Variants in AGAP3 observed in about 807,000 individuals in gnomAD.
AGAP3 encodes the protein arf-GAP with GTPase, ANK repeat and PH domain-containing protein 3.
A neutral mutation model predicts 96.9 loss-of-function variants in AGAP3; 24 were observed. The ratio of observed to expected loss-of-function variants is 0.25; its 90% CI spans 0.18 to 0.35. The LOEUF (loss-of-function observed/expected upper bound fraction) is 0.35. Ranked by LOEUF, AGAP3 falls within the 10% of genes least tolerant of loss-of-function variation. AGAP3 has a pLI of 1.00. For synonymous variants in AGAP3, 563 were observed against 536.1 expected (o/e 1.05, Z -0.69); for missense variants, 876 against 1,254.2 (o/e 0.70, Z 4.55).
In AGAP3 at chr7:151,142,730, G is replaced by A. The variant is rs903930338; in HGVS notation, c.2273+96G>A. The A allele has an allele frequency of 3.0e-5, 40 of 1,319,438 alleles. No individual in the cohort carries two copies. Among genetic ancestry groups the A allele is most frequent in the Non-Finnish European group, 4.0e-5 (38 of 958,246 alleles). The allele number at this position is 1,319,438 out of a possible 1,614,324, so 81.7% of individuals were successfully genotyped here. A position where few individuals can be genotyped will look rare whatever the true frequency, so the allele number is the denominator to read the frequency against. On this transcript the variant is annotated intron_variant, in intron 16 of 17. Coordinates refer to ENST00000397238, the MANE Select transcript of AGAP3 (RefSeq NM_031946.7). The surrounding 1 kb of genome is among the most constrained non-coding windows in gnomAD (Gnocchi z 7.5). ...TGGAGTGGCTGTGATGGTATTAGAA[G>A]GGTTAAAACTGTCTGTTGCTCTGCT...
chr7:151,137,843 C>T (rs1198891862), intron 11 of AGAP3: 2 of 442,510 alleles, frequency 4.5e-6, no homozygotes, highest in Non-Finnish European at 8.0e-6. Flanking sequence ...GGTGTCAGCA[C>T]CACCCAGCTC....
chr7:151,094,111 G>A (rs1215424029), intron 1 of AGAP3, among the ~76,000 whole-genome samples: 2 of 152,142 alleles, frequency 1.3e-5, no homozygotes, highest in Non-Finnish European at 2.9e-5. Flanking sequence ...CTTACCTGAG[G>A]TGGGTCATAA....
chr7:151,130,607 C>T (rs540021712), intron 10 of AGAP3, among the ~76,000 whole-genome samples: 39 of 152,186 alleles, frequency 2.6e-4, no homozygotes, highest in African/African-American at 7.2e-4. Context: ...CCCTCCATGC[C>T]GCACTTGTTG....
Position 151,086,760 on chromosome 7 carries a change from G to C in AGAP3, c.19G>C (p.Gly7Arg). The part of the protein sequence containing the change: MNFQAG[G>R]GQSPQQQQSL... ...CGAAGCCATGAACTTCCAGGCGGGC[G>C]GGGGGCAGAGCCCGCAGCAGCAGCA... Residue 7 changes from glycine to arginine, a missense_variant, in exon 1 of 18, where the codon GGG becomes CGG. Around this residue, in one of 8 missense-constraint regions of AGAP3, gnomAD observed 62 missense variants for 82.8 expected, o/e 0.75. Transcript: ENST00000397238. 4.1e-6 allele frequency: 4 copies of C among 969,944 alleles called. No homozygotes were observed. Among genetic ancestry groups the C allele is most frequent in the Non-Finnish European group, 3.7e-6 (3 of 818,308 alleles). 60.1% of individuals were successfully genotyped at this position (969,944 alleles called of 1,614,324 possible).
At position 151,096,810 on chromosome 7, in the gene AGAP3, G is replaced by T. The variant is rs1341012604; in HGVS notation, c.331+9738G>T. ...CTTTTCTTTAACGAGACAGAGTCTTGCTTTGTTTCCCAGGCTGGAGTGTAG... is the reference window on the plus strand; with the variant it reads ...CTTTTCTTTAACGAGACAGAGTCTTTCTTTGTTTCCCAGGCTGGAGTGTAG... On this transcript the variant is annotated intron_variant, in intron 1 of 17. Coordinates refer to ENST00000397238, the MANE Select transcript of AGAP3 (RefSeq NM_031946.7). The surrounding 1 kb of genome is among the most constrained non-coding windows in gnomAD (Gnocchi z 4.4). Among the ~76,000 whole-genome samples, 2 of 150,952 alleles carry T rather than the reference G, an allele frequency of 1.3e-5. No homozygotes were observed. The highest frequency in any genetic ancestry group is 4.9e-5 in the African/African-American group (2 of 41,006).
chr7:151,123,168 C>A lies in AGAP3; in HGVS notation c.1129-626C>A. Reference sequence around the variant, plus strand: ...CCTCTGCTCCTTCCTGCATGGACCTCTGCCGTTCCTGCTCCTGCTCCGGAA... The same window carrying A: ...CCTCTGCTCCTTCCTGCATGGACCTATGCCGTTCCTGCTCCTGCTCCGGAA... On this transcript the variant is annotated intron_variant, in intron 8 of 17. Transcript: ENST00000397238. The A allele has an allele frequency of 3.7e-6, 4 of 1,082,898 alleles. No homozygotes were observed. The South Asian group carries it at 1.2e-4, about 32-fold the overall frequency. 67.1% of individuals were successfully genotyped at this position (1,082,898 alleles called of 1,614,324 possible). A position where few individuals can be genotyped will look rare whatever the true frequency, so the allele number is the denominator to read the frequency against.
At chr7:151,094,248 T>A (rs538595637) in intron 1 of AGAP3, among the ~76,000 whole-genome samples, 2 of 152,268 alleles carry the variant, frequency 1.3e-5, no homozygotes, top group African/African-American at 4.8e-5. Context: ...CAGGGTATCC[T>A]GTGTAAGGGA....
intron 1 of AGAP3, among the ~76,000 whole-genome samples, chr7:151,091,133 TC>T (rs1798381101): frequency 6.6e-6 from 1 of 152,154 alleles, no homozygotes; most frequent in Non-Finnish European, 1.5e-5. Context: ...TCCTTACTGT[TC>T]CTGGGTGGGC....
At position 151,117,098 on chromosome 7, in the gene AGAP3, A is replaced by G. The variant is rs1393507230; in HGVS notation, c.394A>G (p.Ile132Val). The part of the protein sequence containing the change: ...SRSVPELKVG[I>V]VGNLSSGKSA... ...CTCACCCCTTCCTCTCCCGCAGGGC[A>G]TAGTGGGGAACCTGTCTAGCGGGAA... Residue 132 changes from isoleucine (I) to valine (V), a missense_variant, in exon 3 of 18, where the codon ATA (isoleucine) becomes GTA (valine). Ile to Val is a conservative substitution (Grantham distance 29). Coordinates refer to ENST00000397238, the MANE Select transcript of AGAP3 (RefSeq NM_031946.7). 6.2e-7 allele frequency: 1 copy of G among 1,613,842 alleles called. No homozygotes were observed. The highest frequency in any genetic ancestry group is 1.1e-5 in the South Asian group (1 of 91,062).
Position 151,118,159 on chromosome 7 carries a change from A to G in AGAP3, c.707-51A>G. On this transcript the variant is annotated intron_variant, in intron 5 of 17. Transcript: ENST00000397238. The surrounding 1 kb of genome is among the most constrained non-coding windows in gnomAD (Gnocchi z 6.1). Reference sequence around the variant, plus strand: ...TGGGCCAAATGCCCCCCACCACACTACCCCAGCTTCTCCGAAAGCTGAATG... The same window carrying G: ...TGGGCCAAATGCCCCCCACCACACTGCCCCAGCTTCTCCGAAAGCTGAATG... 6.4e-7 allele frequency: 1 copy of G among 1,567,974 alleles called. No homozygotes were observed. The highest frequency in any genetic ancestry group is 1.2e-5 in the South Asian group (1 of 84,024).
chr7:151,120,850 C>G (rs1799847888), intron 8 of AGAP3: 1 of 1,156,444 alleles, frequency 8.6e-7, no homozygotes, highest in South Asian at 1.7e-5. Flanking sequence ...CTCTGGCTCT[C>G]AGGCCCCAGG....
intron 1 of AGAP3, among the ~76,000 whole-genome samples, chr7:151,115,957 G>A (rs1476720640): frequency 6.6e-6 from 1 of 152,206 alleles, no homozygotes; most frequent in African/African-American, 2.4e-5. Context: ...CTGTGCATGA[G>A]GTTAGGGACT....
upstream of AGAP3, among the ~76,000 whole-genome samples, chr7:151,086,422 T>A (rs1007168382): frequency 1.1e-5 from 1 of 87,952 alleles, no homozygotes; most frequent in Non-Finnish European, 2.3e-5. Context: ...GGGGCGGCGG[T>A]GCGTGCGCAT....
chr7:151,123,100 C>T, intron 8 of AGAP3: 2 of 1,155,014 alleles, frequency 1.7e-6, no homozygotes, highest in Non-Finnish European at 2.1e-6. Flanking sequence ...CCAAGCCCGC[C>T]CGGCCCGGCT....
At position 151,138,208 on chromosome 7, in the gene AGAP3, G is replaced by A; in HGVS notation, c.1561G>A (p.Ala521Thr). 6.2e-7 allele frequency: 1 copy of A among 1,611,330 alleles called. No individual in the cohort carries two copies. ...SERPLSSSAW[A>T]GPRPEGLHQR... Reference sequence around the variant, plus strand: ...GCGCCCCCTCAGCAGCTCGGCCTGGGCTGGCCCGCGCCCTGAGGGGCTGCA... The same window carrying A: ...GCGCCCCCTCAGCAGCTCGGCCTGGACTGGCCCGCGCCCTGAGGGGCTGCA... The change falls in exon 12 of 18, where the codon GCT becomes ACT. Residue 521 changes from alanine (A) to threonine (T), a missense_variant. Around this residue, in one of 8 missense-constraint regions of AGAP3, gnomAD observed 155 missense variants for 144.4 expected, o/e 1.07. Coordinates refer to ENST00000397238, the MANE Select transcript of AGAP3 (RefSeq NM_031946.7).
Position 151,134,013 on chromosome 7 carries a change from C to A in AGAP3, c.1327-387C>A, listed in dbSNP as rs4725998. 0.011 allele frequency among the ~76,000 whole-genome samples: 1,634 copies of A among 152,242 alleles called. 148 individuals carry two copies. The East Asian group carries it at 0.23, about 21-fold the overall frequency. On this transcript the variant is annotated intron_variant, in intron 10 of 17. Coordinates refer to ENST00000397238, the MANE Select transcript of AGAP3 (RefSeq NM_031946.7). ...CTGCAGTGCTTGGTGGCCACCCTGT[C>A]ATCCATGTCCCCGAGTGTCTCCGCT... is the stretch of plus-strand genomic sequence containing the variant.
chr7:151,099,831 TTGTG>T (rs1798766708), intron 1 of AGAP3, among the ~76,000 whole-genome samples: 1 of 152,226 alleles, frequency 6.6e-6, no homozygotes, highest in Admixed American at 6.5e-5. Context: ...GTTTGTTTGT[TTGTG>T]TTTGTCCCAT....
Position 151,120,078 on chromosome 7 carries a change from C to G in AGAP3, c.1061C>G (p.Thr354Ser), listed in dbSNP as rs199914418. 3.1e-6 allele frequency: 5 copies of G among 1,613,980 alleles called. No individual in the cohort carries two copies. In the Admixed American group the frequency reaches 8.3e-5, roughly 27 times the overall value. ...SISQRELRIE[T>S]IAASSTPTPI... ...AGCCAGCGGGAGCTGCGCATCGAGA[C>G]CATCGCTGCCTCCTCCACCCCCACA... The change falls in exon 8 of 18, where the codon ACC (threonine) becomes AGC (serine). Residue 354 changes from threonine to serine, a missense_variant. Thr to Ser is a moderately conservative substitution (Grantham distance 58). This residue lies in a region of AGAP3 where 100 missense variants were observed against 129.4 expected (regional missense o/e 0.77). Coordinates refer to ENST00000397238, the MANE Select transcript of AGAP3 (RefSeq NM_031946.7).
intron 1 of AGAP3, among the ~76,000 whole-genome samples, chr7:151,097,705 T>A (rs1798665940): frequency 6.6e-6 from 1 of 151,610 alleles, no homozygotes; most frequent in Non-Finnish European, 1.5e-5. Context: ...GGGAGGGCGC[T>A]ACACTCTTCA....
Sources: gnomAD v4.1 joint callset for allele counts (sites outside exome capture counted in the v4.1 genomes callset) on GRCh38, gnomAD v4.1.1 for gene constraint, gnomAD v4.1.1 regional missense constraint, Gnocchi (gnomAD v3.1) non-coding constraint, MANE v1.5 for transcripts, NCBI Gene and HGNC (gene_info 2026-07-23, HGNC 2026-07-21) for gene names.